ZNF264: variants seen among roughly 807,000 people sequenced by gnomAD.
ZNF264 encodes zinc finger protein 264.
A neutral mutation model predicts 11.2 loss-of-function variants in ZNF264; 11 were observed. That is an observed-to-expected ratio of 0.98 (90% confidence interval 0.62 to 1.63). ZNF264 has a LOEUF of 1.63. Among genes scored for constraint, ZNF264 ranks in the 40% most tolerant of loss-of-function variants. The pLI is 0.00. For missense variants in ZNF264, 752 were observed against 768.1 expected, an observed-to-expected ratio of 0.98 and a Z score of 0.25; for synonymous variants, 309 against 279.8, an observed-to-expected ratio of 1.10 and a Z score of -1.04.
rs2087367447 is a variant in ZNF264, at chr19:57,214,722, T to G, written c.*1741T>G. 1 of 152,208 alleles carries G rather than the reference T, an allele frequency of 6.6e-6. No individual in the cohort carries two copies. The allele number at this position is 152,208 out of a possible 1,614,324, so 9.4% of individuals were successfully genotyped here. ...ATATGTCCTCTATAAGGGTAAAAAATTTCCTCTGTTCCCAGTTTTCTGAGA... is the reference window on the plus strand; with the variant it reads ...ATATGTCCTCTATAAGGGTAAAAAAGTTCCTCTGTTCCCAGTTTTCTGAGA... On this transcript the variant is annotated 3_prime_UTR_variant, in exon 4 of 4. Coordinates refer to ENST00000263095, the MANE Select transcript of ZNF264 (RefSeq NM_003417.5).
rs375256610 is a variant in ZNF264 at position 57,222,524 on chromosome 19, A to G, written c.*9543A>G. On this transcript the variant is annotated 3_prime_UTR_variant, in exon 4 of 4. Transcript: ENST00000263095. ...TCGCGTTCTCTCTCTCTCTCTCTCT[A>G]TATATATATATGTATATGTGTGTGT... 1.7e-5 allele frequency: 1 copy of G among 60,050 alleles called. No homozygotes were observed. The highest frequency in any genetic ancestry group is 7.6e-5 in the African/African-American group (1 of 13,178). The allele number at this position is 60,050 out of a possible 1,614,324, so 3.7% of individuals were successfully genotyped here.
chr19:57,200,167 G>T lies in ZNF264; in HGVS notation c.161-5230G>T, dbSNP rs181432203. 1.8e-3 allele frequency among the ~76,000 whole-genome samples: 279 copies of T among 151,810 alleles called. 1 individual carries two copies. Among genetic ancestry groups the T allele is most frequent in the Admixed American group, 4.8e-3 (73 of 15,270 alleles). ...CAGACATAAGCTAGTCATGTGAGTGGCTGACCTGCAACAAAAGGTGCATGC... is the reference window on the plus strand; with the variant it reads ...CAGACATAAGCTAGTCATGTGAGTGTCTGACCTGCAACAAAAGGTGCATGC... On this transcript the variant is annotated intron_variant, in intron 2 of 3. Transcript: ENST00000263095.
intron 1 of ZNF264, chr19:57,192,345 A>G (rs2087179958): frequency 9.1e-6 from 9 of 985,166 alleles, no homozygotes; most frequent in Non-Finnish European, 1.1e-5. Flanking sequence ...TAAGGTTGCC[A>G]TGGTTTTCCT....
chr19:57,207,179 T>G (rs1028915667), intron 3 of ZNF264, among the ~76,000 whole-genome samples: 17 of 151,884 alleles, frequency 1.1e-4, no homozygotes, highest in Non-Finnish European at 1.9e-4. Context: ...TCCAGGCAGA[T>G]TAGGGGACTG....
chr19:57,192,606 C>T (rs924107100), intron 1 of ZNF264: 218 of 977,080 alleles, frequency 2.2e-4, no homozygotes, highest in Middle Eastern at 5.2e-4. Context: ...ATCTGGGAGA[C>T]CCAGGGAGAT....
chr19:57,206,221 G>C (rs1035844114), intron 3 of ZNF264, among the ~76,000 whole-genome samples: 4 of 152,064 alleles, frequency 2.6e-5, no homozygotes, highest in Non-Finnish European at 4.4e-5. Context: ...ACTACATTGA[G>C]TCTGTTCCTG....
chr19:57,214,672 A>T lies in ZNF264; in HGVS notation c.*1691A>T, dbSNP rs1194918164. On this transcript the variant is annotated 3_prime_UTR_variant, in exon 4 of 4. Coordinates refer to ENST00000263095, the MANE Select transcript of ZNF264 (RefSeq NM_003417.5). ...ACAGCATGTTCAGTTTTTCATCATG[A>T]AGTATAATGTAAGTTTTATAAAACA... 1 of 152,150 alleles carries T rather than the reference A, an allele frequency of 6.6e-6. No homozygotes were observed. Among genetic ancestry groups the T allele is most frequent in the African/African-American group, 2.4e-5 (1 of 41,424 alleles). 9.4% of individuals were successfully genotyped at this position (152,150 alleles called of 1,614,324 possible).
chr19:57,212,888 A>T lies in ZNF264; in HGVS notation c.1791A>T (p.Val597=). Residue 597 remains valine, a synonymous_variant, in exon 4 of 4, where the codon GTA becomes GTT. Coordinates refer to ENST00000263095, the MANE Select transcript of ZNF264 (RefSeq NM_003417.5). The part of the protein sequence containing the change: ...ELLLGKDFLN[V]TTEANILPEE... ...TTTTAGGGAAGGACTTTTTGAATGTAACCACTGAGGCAAATATTTTGCCAG... is the reference window on the plus strand; with the variant it reads ...TTTTAGGGAAGGACTTTTTGAATGTTACCACTGAGGCAAATATTTTGCCAG... 1 of 1,614,222 alleles carries T rather than the reference A, an allele frequency of 6.2e-7. No homozygotes were observed. Among genetic ancestry groups the T allele is most frequent in the African/African-American group, 1.3e-5 (1 of 75,066 alleles).
intron 2 of ZNF264, among the ~76,000 whole-genome samples, chr19:57,202,757 T>C (rs1302721656): frequency 6.6e-6 from 1 of 151,840 alleles, no homozygotes; most frequent in Non-Finnish European, 1.5e-5. Context: ...AATACACTGG[T>C]AAACATGAGT....
rs1467204647 is a variant in ZNF264 at position 57,216,890 on chromosome 19, A to G, written c.*3909A>G. 6.7e-6 allele frequency: 1 copy of G among 148,256 alleles called. No individual in the cohort carries two copies. The highest frequency in any genetic ancestry group is 2.5e-5 in the African/African-American group (1 of 40,058). 9.2% of individuals were successfully genotyped at this position (148,256 alleles called of 1,614,324 possible). On this transcript the variant is annotated 3_prime_UTR_variant, in exon 4 of 4. Transcript: ENST00000263095. ...TTTTTTTTTTTAATAATTTGATTTG[A>G]TACATATGTAGTGTTTTTTAGTATA...
In ZNF264 at chr19:57,220,220, A is replaced by G. The variant is rs1472528404; in HGVS notation, c.*7239A>G. 1 of 152,170 alleles carries G rather than the reference A, an allele frequency of 6.6e-6. No homozygotes were observed. Among genetic ancestry groups the G allele is most frequent in the Non-Finnish European group, 1.5e-5 (1 of 68,036 alleles). The allele number at this position is 152,170 out of a possible 1,614,324, so 9.4% of individuals were successfully genotyped here. ...TTGTTTTCTGGTCACTATTTTTACT[A>G]AAGTTGATTCAACAATGCTATAATC... On this transcript the variant is annotated 3_prime_UTR_variant, in exon 4 of 4. Coordinates refer to ENST00000263095, the MANE Select transcript of ZNF264 (RefSeq NM_003417.5).
intron 3 of ZNF264, among the ~76,000 whole-genome samples, chr19:57,208,196 G>A (rs1197093670): frequency 2.0e-5 from 3 of 152,166 alleles, no homozygotes; most frequent in Non-Finnish European, 2.9e-5. Flanking sequence ...AAATGCTTGT[G>A]GCTCATGATA....
Position 57,216,533 on chromosome 19 carries a change from T to C in ZNF264, c.*3552T>C, listed in dbSNP as rs566644659. On this transcript the variant is annotated 3_prime_UTR_variant, in exon 4 of 4. Coordinates refer to ENST00000263095, the MANE Select transcript of ZNF264 (RefSeq NM_003417.5). ...GTGATGTCATTTTTTTGCCTTTTAA[T>C]AGTCTTGTCAATACTTTACCTGATG... 6.6e-6 allele frequency: 1 copy of C among 152,360 alleles called. No homozygotes were observed. Among genetic ancestry groups the C allele is most frequent in the Admixed American group, 6.5e-5 (1 of 15,310 alleles). The allele number at this position is 152,360 out of a possible 1,614,324, so 9.4% of individuals were successfully genotyped here. A position where few individuals can be genotyped will look rare whatever the true frequency, so the allele number is the denominator to read the frequency against.
Position 57,191,905 on chromosome 19 carries a change from G to A in ZNF264, c.-9G>A, listed in dbSNP as rs1248510269. On this transcript the variant is annotated 5_prime_UTR_variant, in exon 1 of 4. Transcript: ENST00000263095. Reference sequence around the variant, plus strand: ...TCTGTCCCAGCTCTGCGGCCCAGGGGGTGACGTGATGGCGGCAGCGGTGCT... The same window carrying A: ...TCTGTCCCAGCTCTGCGGCCCAGGGAGTGACGTGATGGCGGCAGCGGTGCT... 8.6e-6 allele frequency: 13 copies of A among 1,503,602 alleles called. No individual in the cohort carries two copies. The highest frequency in any genetic ancestry group is 1.2e-5 in the Non-Finnish European group (13 of 1,124,628). The allele number at this position is 1,503,602 out of a possible 1,614,324, so 93.1% of individuals were successfully genotyped here. A position where few individuals can be genotyped will look rare whatever the true frequency, so the allele number is the denominator to read the frequency against.
chr19:57,206,344 C>T (rs1010368025), intron 3 of ZNF264, among the ~76,000 whole-genome samples: 18 of 151,948 alleles, frequency 1.2e-4, no homozygotes, highest in African/African-American at 2.9e-4. Context: ...CCCGGGTTCA[C>T]GCCATTCTCC....
intron 2 of ZNF264, among the ~76,000 whole-genome samples, 161 bp from the exon 3 acceptor site, chr19:57,205,236 G>A (rs1266125556): frequency 6.6e-6 from 1 of 152,110 alleles, no homozygotes; most frequent in African/African-American, 2.4e-5. Context: ...ATGTAATTAT[G>A]GAAACCTTGG....
At chr19:57,210,725 A>T (rs138617519) in intron 3 of ZNF264, among the ~76,000 whole-genome samples, 130 of 152,262 alleles carry the variant, frequency 8.5e-4, no homozygotes, top group Admixed American at 2.7e-3. Flanking sequence ...ATAAGCCCTA[A>T]CCTTCTAATC....
chr19:57,195,500 GT>G (rs1244791071), intron 2 of ZNF264, among the ~76,000 whole-genome samples: 1 of 152,038 alleles, frequency 6.6e-6, no homozygotes, highest in African/African-American at 2.4e-5. Flanking sequence ...GCAGGTCATG[GT>G]TTTTTTTCCT....
At position 57,221,655 on chromosome 19, in the gene ZNF264, G is replaced by T. The variant is rs56680476; in HGVS notation, c.*8674G>T. ...ACAACACATGCTATATGTCCACTGG[G>T]AAGCTTATTAGAGACTCAGTGCCAG... On this transcript the variant is annotated 3_prime_UTR_variant, in exon 4 of 4. Coordinates refer to ENST00000263095, the MANE Select transcript of ZNF264 (RefSeq NM_003417.5). The T allele has an allele frequency of 2.0e-5, 3 of 152,160 alleles. No individual in the cohort carries two copies. The highest frequency in any genetic ancestry group is 7.2e-5 in the African/African-American group (3 of 41,414). The allele number at this position is 152,160 out of a possible 1,614,324, so 9.4% of individuals were successfully genotyped here. A position where few individuals can be genotyped will look rare whatever the true frequency, so the allele number is the denominator to read the frequency against.
Sources: gnomAD v4.1 joint callset for allele counts (sites outside exome capture counted in the v4.1 genomes callset) on GRCh38, gnomAD v4.1.1 for gene constraint, MANE v1.5 for transcripts, NCBI Gene and HGNC (gene_info 2026-07-23, HGNC 2026-07-21) for gene names.